Variants in NSG2 observed in about 807,000 individuals in gnomAD.
NSG2 encodes neuronal vesicle trafficking associated 2, also known as neuronal vesicle trafficking-associated protein 2.
In NSG2, 4 loss-of-function variants were observed where a neutral mutation model predicts 16.9. The observed-to-expected ratio is 0.24, with a 90% confidence interval of 0.12 to 0.54. NSG2 has a LOEUF of 0.54. Ranked by LOEUF, NSG2 falls within the 20% of genes least tolerant of loss-of-function variation. NSG2 has a pLI of 0.95. For synonymous variants in NSG2, 98 were observed against 88.7 expected (o/e 1.11, Z -0.59); for missense variants, 179 against 221.1 (o/e 0.81, Z 1.21).
chr5:174,096,832 G>A (rs1330593755), intron 3 of NSG2, among the ~76,000 whole-genome samples: 2 of 151,988 alleles, frequency 1.3e-5, no homozygotes, highest in Admixed American at 6.5e-5. Flanking sequence ...GCAGAGTCAG[G>A]CCCCAGATGC....
chr5:174,090,006 A>G (rs1372108991), intron 3 of NSG2, among the ~76,000 whole-genome samples: 1 of 152,286 alleles, frequency 6.6e-6, no homozygotes, highest in African/African-American at 2.4e-5. Flanking sequence ...CTTTTAAGGC[A>G]CAGGGTCCCC....
intron 2 of NSG2, among the ~76,000 whole-genome samples, chr5:174,050,816 CA>C (rs1759876640): frequency 6.6e-6 from 1 of 152,054 alleles, no homozygotes; most frequent in South Asian, 2.1e-4. Flanking sequence ...CAGGGAAGAG[CA>C]GCAGGCTCCT....
intron 3 of NSG2, among the ~76,000 whole-genome samples, chr5:174,094,645 G>T (rs1561674137): frequency 6.6e-6 from 1 of 152,180 alleles, no homozygotes; most frequent in Admixed American, 6.5e-5. Context: ...TCATCTTTGA[G>T]GGGCACAGCA....
intron 3 of NSG2, among the ~76,000 whole-genome samples, chr5:174,083,898 A>G (rs749666670): frequency 7.2e-5 from 11 of 152,222 alleles, no homozygotes; most frequent in Non-Finnish European, 1.6e-4. Flanking sequence ...AAGATAGAGA[A>G]TGAGAGAGAA....
Position 174,108,218 on chromosome 5 carries a change from G to C in NSG2, c.*713G>C, listed in dbSNP as rs1165833230. On this transcript the variant is annotated 3_prime_UTR_variant, in exon 5 of 5. Transcript: ENST00000303177. ...TCTGAATGCCCACCCTGCGACGGTG[G>C]GTTCTGCATCAGCAAACGCTGAGGA... is the stretch of plus-strand genomic sequence containing the variant. 6.1e-6 allele frequency: 1 copy of C among 163,228 alleles called. No homozygotes were observed. Among genetic ancestry groups the C allele is most frequent in the Non-Finnish European group, 1.3e-5 (1 of 74,182 alleles). 10.1% of individuals were successfully genotyped at this position (163,228 alleles called of 1,614,324 possible). A position where few individuals can be genotyped will look rare whatever the true frequency, so the allele number is the denominator to read the frequency against.
At chr5:174,100,521 G>T (rs571182664) in intron 3 of NSG2, among the ~76,000 whole-genome samples, 2 of 152,256 alleles carry the variant, frequency 1.3e-5, no homozygotes, top group South Asian at 4.2e-4. Context: ...AGAATCCATG[G>T]GGGTGGTGAC....
rs546660036 is a variant in NSG2, at chr5:174,102,509, C to T, written c.214-1719C>T. Among the ~76,000 whole-genome samples, 28 of 152,242 alleles carry T rather than the reference C, an allele frequency of 1.8e-4. 2 individuals carry two copies. The South Asian group carries it at 5.2e-3, about 28-fold the overall frequency. ...ATTCTGCTTGTAATATTAGATGCCCCGGTATCATGGGGACTTCCCTGCCCC... is the reference window on the plus strand; with the variant it reads ...ATTCTGCTTGTAATATTAGATGCCCTGGTATCATGGGGACTTCCCTGCCCC... On this transcript the variant is annotated intron_variant, in intron 3 of 4. Coordinates refer to ENST00000303177, the MANE Select transcript of NSG2 (RefSeq NM_015980.5).
intron 2 of NSG2, among the ~76,000 whole-genome samples, chr5:174,047,308 T>G (rs922200167): frequency 6.6e-6 from 1 of 152,248 alleles, no homozygotes; most frequent in Non-Finnish European, 1.5e-5. Context: ...GTCCCTATAC[T>G]AGGAGTTGGT....
intron 2 of NSG2, among the ~76,000 whole-genome samples, chr5:174,051,120 G>A (rs1471114750): frequency 1.3e-5 from 2 of 152,146 alleles, no homozygotes; most frequent in African/African-American, 4.8e-5. Flanking sequence ...CTCCCTGGGG[G>A]GCAGTTAGCA....
chr5:174,081,882 C>T (rs112986602), intron 3 of NSG2, among the ~76,000 whole-genome samples: 226 of 116,890 alleles, frequency 1.9e-3, no homozygotes, highest in African/African-American at 8.0e-3. Context: ...AGTGAGACTC[C>T]GACTCAAAAA....
In NSG2 at chr5:174,107,345, C is replaced by A; in HGVS notation, c.356C>A (p.Ala119Asp). ...CGCTGTATCCCAGCCTCCCTGGATG[C>A]TTACTACTCCTCCCAGGACCCCAAT... ...HKRCIPASLD[A>D]YYSSQDPNSR... The change falls in exon 5 of 5, where the codon GCT becomes GAT. Residue 119 changes from alanine (A) to aspartate (D), a missense_variant. Coordinates refer to ENST00000303177, the MANE Select transcript of NSG2 (RefSeq NM_015980.5). This position sits in a 1 kb window ranked among gnomAD's most constrained non-coding sequence, Gnocchi z 4.5. The A allele has an allele frequency of 6.3e-7, 1 of 1,587,246 alleles. No homozygotes were observed. Among genetic ancestry groups the A allele is most frequent in the Admixed American group, 1.7e-5 (1 of 58,106 alleles).
chr5:174,097,841 GTC>G (rs1166942501), intron 3 of NSG2, among the ~76,000 whole-genome samples: 77 of 149,870 alleles, frequency 5.1e-4, no homozygotes, highest in Middle Eastern at 3.4e-3. Context: ...CTTTGTGTGT[GTC>G]TGTGTGTGTG....
chr5:174,091,039 C>CTTTTT (rs35022469), intron 3 of NSG2, among the ~76,000 whole-genome samples: 2 of 124,120 alleles, frequency 1.6e-5, no homozygotes, highest in East Asian at 2.5e-4. Context: ...CTTCTTCTTC[C>CTTTTT]TTTTTTTTTT....
chr5:174,076,409 T>C (rs1760343848), intron 3 of NSG2, among the ~76,000 whole-genome samples: 1 of 151,390 alleles, frequency 6.6e-6, no homozygotes, highest in African/African-American at 2.4e-5. Flanking sequence ...CCAGGCTGAA[T>C]CATGTACAAG....
intron 3 of NSG2, among the ~76,000 whole-genome samples, chr5:174,068,957 G>A (rs1760191381): frequency 6.6e-6 from 1 of 151,370 alleles, no homozygotes; most frequent in African/African-American, 2.4e-5. Context: ...GCTGTGGAAG[G>A]TGCTAGTACT....
chr5:174,068,052 C>T (rs1009236030), intron 3 of NSG2, among the ~76,000 whole-genome samples: 3 of 152,122 alleles, frequency 2.0e-5, no homozygotes, highest in East Asian at 1.9e-4. Context: ...AGGGAATTTA[C>T]AGTTAGAGAG....
chr5:174,077,833 G>A (rs1760373633), intron 3 of NSG2, among the ~76,000 whole-genome samples: 1 of 152,080 alleles, frequency 6.6e-6, no homozygotes. Flanking sequence ...TATACATTCT[G>A]GGGCCTTGAA....
chr5:174,045,823 AC>A lies in NSG2; in HGVS notation c.-37del, dbSNP rs1322769228. ...TTCAAATTGGCTTGAATCTGCTCTG[AC>A]CCCCCACGAGTGCAGCACAGTAAGT... On this transcript the variant is annotated 5_prime_UTR_variant, in exon 1 of 5. Coordinates refer to ENST00000303177, the MANE Select transcript of NSG2 (RefSeq NM_015980.5). 3.3e-5 allele frequency: 5 copies of A among 151,772 alleles called. No homozygotes were observed. The East Asian group carries it at 5.7e-4, about 17-fold the overall frequency. 9.4% of individuals were successfully genotyped at this position (151,772 alleles called of 1,614,324 possible). A position where few individuals can be genotyped will look rare whatever the true frequency, so the allele number is the denominator to read the frequency against.
intron 3 of NSG2, among the ~76,000 whole-genome samples, chr5:174,081,887 CAAAAAAA>C (rs60742273): frequency 2.7e-4 from 19 of 70,200 alleles, no homozygotes; most frequent in African/African-American, 8.0e-4. Context: ...GACTCCGACT[CAAAAAAA>C]AAAAAAAAAA....
Sources: allele counts gnomAD v4.1 joint callset (sites outside exome capture counted in the v4.1 genomes callset), GRCh38; gene constraint gnomAD v4.1.1; non-coding constraint Gnocchi (gnomAD v3.1); transcripts MANE v1.5; gene names NCBI Gene and HGNC (gene_info 2026-07-23, HGNC 2026-07-21).